KCNQ5: variants seen among roughly 807,000 people sequenced by gnomAD.
KCNQ5 encodes the protein potassium voltage-gated channel subfamily KQT member 5.
KCNQ5 carries 30 observed loss-of-function variants against 98.2 expected under a neutral mutation model. That is an observed-to-expected ratio of 0.31 (90% CI 0.23 to 0.41). The LOEUF (loss-of-function observed/expected upper bound fraction) is 0.41. Among genes scored for constraint, KCNQ5 ranks in the 10% least tolerant of loss-of-function variants. KCNQ5 has a pLI of 1.00. For missense variants in KCNQ5, 835 were observed against 1,182.5 expected (o/e 0.71, Z 4.31); for synonymous variants, 458 against 449.4 (o/e 1.02, Z -0.24).
chr6:72,922,067 C>T (rs1222436519), intron 1 of KCNQ5, among the ~76,000 whole-genome samples: 1 of 152,176 alleles, frequency 6.6e-6, no homozygotes, highest in East Asian at 1.9e-4. Context: ...TAGCAATTCA[C>T]TCAAACGATA....
At chr6:72,731,679 C>G (rs2154475784) in intron 1 of KCNQ5, among the ~76,000 whole-genome samples, 1 of 152,288 alleles carries the variant, frequency 6.6e-6, no homozygotes, top group South Asian at 2.1e-4. Context: ...GAAGCCGGTT[C>G]TCTTCTAATA....
Position 72,876,967 on chromosome 6 carries a change from G to A in KCNQ5, c.399-126941G>A, listed in dbSNP as rs568927551. Among the ~76,000 whole-genome samples, 3 of 152,326 alleles carry A rather than the reference G, an allele frequency of 2.0e-5. No individual in the cohort carries two copies. In the South Asian group the frequency reaches 6.2e-4, roughly 32 times the overall value. On this transcript the variant is annotated intron_variant, in intron 1 of 13. Transcript: ENST00000370398. ...CTTCCTCACACTACCATCTGCTGCGGTGTCAAGTAGTCTTTTGCAGAGAAA... is the reference window on the plus strand; with the variant it reads ...CTTCCTCACACTACCATCTGCTGCGATGTCAAGTAGTCTTTTGCAGAGAAA...
At chr6:72,812,272 T>C (rs1775281589) in intron 1 of KCNQ5, among the ~76,000 whole-genome samples, 1 of 152,158 alleles carries the variant, frequency 6.6e-6, no homozygotes, top group Non-Finnish European at 1.5e-5. Context: ...TAAGAATGCC[T>C]GACCTCCTTG....
intron 1 of KCNQ5, among the ~76,000 whole-genome samples, chr6:72,800,912 C>T (rs964323963): frequency 2.0e-5 from 3 of 151,994 alleles, no homozygotes; most frequent in African/African-American, 7.3e-5. Flanking sequence ...GCAGGTTGTT[C>T]AGTTTCCATG....
intron 3 of KCNQ5, among the ~76,000 whole-genome samples, chr6:73,063,995 A>AT (rs1391973645): frequency 6.6e-6 from 1 of 152,156 alleles, no homozygotes; most frequent in Non-Finnish European, 1.5e-5. Context: ...GCATTGAAAA[A>AT]TATTGAGAGC....
At chr6:72,659,844 T>C (rs976728684) in intron 1 of KCNQ5, among the ~76,000 whole-genome samples, 2 of 152,176 alleles carry the variant, frequency 1.3e-5, no homozygotes, top group Non-Finnish European at 2.9e-5. Flanking sequence ...AAAGCAAAAT[T>C]TTGAATTATC....
intron 5 of KCNQ5, among the ~76,000 whole-genome samples, chr6:73,087,035 G>A (rs902437897): frequency 2.6e-5 from 4 of 152,232 alleles, no homozygotes; most frequent in African/African-American, 9.6e-5. Flanking sequence ...TCTTAGGTAG[G>A]TGGAGATGGC....
chr6:73,130,821 G>A lies in KCNQ5; in HGVS notation c.1248-2600G>A, dbSNP rs1776203983. Among the ~76,000 whole-genome samples the A allele has an allele frequency of 2.0e-5, 3 of 152,118 alleles. No homozygotes were observed. In the South Asian group the frequency reaches 6.2e-4, roughly 31 times the overall value. On this transcript the variant is annotated intron_variant, in intron 9 of 13. Coordinates refer to ENST00000370398, the MANE Select transcript of KCNQ5 (RefSeq NM_019842.4). The stretch of plus-strand genomic sequence containing the variant: ...TCTTTGCCTTGGAAAAGAAAATTTT[G>A]CCTGGTTAAAAAGTTCTTGATTAGA...
At chr6:72,944,806 C>A (rs764585526) in intron 1 of KCNQ5, among the ~76,000 whole-genome samples, 5 of 152,174 alleles carry the variant, frequency 3.3e-5, no homozygotes, top group Non-Finnish European at 7.3e-5. Flanking sequence ...AGAACTGTAT[C>A]CATAAATAAA....
intron 3 of KCNQ5, among the ~76,000 whole-genome samples, chr6:73,057,254 C>T (rs1266720275): frequency 1.4e-5 from 2 of 145,768 alleles, no homozygotes. Flanking sequence ...CACATGTTCT[C>T]ACTCATAGGT....
chr6:72,941,317 CTTCT>C (rs906358120), intron 1 of KCNQ5, among the ~76,000 whole-genome samples: 4 of 67,494 alleles, frequency 5.9e-5, no homozygotes, highest in Admixed American at 2.6e-4. Context: ...TCCTTCCTTC[CTTCT>C]TTCCTTCCTT....
At chr6:73,021,283 A>G (rs941692601) in intron 2 of KCNQ5, among the ~76,000 whole-genome samples, 1 of 152,200 alleles carries the variant, frequency 6.6e-6, no homozygotes, top group Non-Finnish European at 1.5e-5. Flanking sequence ...TGAAAACTAT[A>G]TAAGAATAGG....
intron 5 of KCNQ5, among the ~76,000 whole-genome samples, chr6:73,089,565 A>G (rs1460073392): frequency 6.6e-6 from 1 of 152,030 alleles, no homozygotes; most frequent in Non-Finnish European, 1.5e-5. Flanking sequence ...CCTCCTTCCC[A>G]TCCTTTCACC....
intron 2 of KCNQ5, among the ~76,000 whole-genome samples, chr6:73,020,607 G>A (rs1316426429): frequency 6.6e-6 from 1 of 152,012 alleles, no homozygotes; most frequent in Non-Finnish European, 1.5e-5. Context: ...CCCCTTTCCC[G>A]TCCTTGGAGG....
At chr6:73,192,156 G>C (rs1765612069) in intron 12 of KCNQ5, among the ~76,000 whole-genome samples, 2 of 152,080 alleles carry the variant, frequency 1.3e-5, no homozygotes, top group Admixed American at 1.3e-4. Context: ...AAAGACCATG[G>C]CTTTCTTATC....
rs757132191 is a variant in KCNQ5 at position 72,996,110 on chromosome 6, T to G, written c.399-7798T>G. Among the ~76,000 whole-genome samples, 51 of 152,334 alleles carry G rather than the reference T, an allele frequency of 3.3e-4. 1 individual carries two copies. Among genetic ancestry groups the G allele is most frequent in the Middle Eastern group, 3.4e-3 (1 of 294 alleles). On this transcript the variant is annotated intron_variant, in intron 1 of 13. Coordinates refer to ENST00000370398, the MANE Select transcript of KCNQ5 (RefSeq NM_019842.4). The stretch of plus-strand genomic sequence containing the variant: ...CTATGCCTGAGTTCCCAGTTCCTGG[T>G]ACAATGTCTGTAAATATTTGTGATT...
chr6:72,710,001 A>G (rs1015479279), intron 1 of KCNQ5, among the ~76,000 whole-genome samples: 10 of 152,176 alleles, frequency 6.6e-5, no homozygotes, highest in African/African-American at 2.4e-4. Flanking sequence ...AAGGGCACAG[A>G]AAATTTGAGG....
intron 1 of KCNQ5, among the ~76,000 whole-genome samples, chr6:72,922,012 G>C (rs1017125972): frequency 6.6e-6 from 1 of 152,200 alleles, no homozygotes; most frequent in Non-Finnish European, 1.5e-5. Flanking sequence ...GGAGAGAACA[G>C]AGCCAAGAAA....
At chr6:72,632,118 G>T (rs1469947515) in intron 1 of KCNQ5, among the ~76,000 whole-genome samples, 2 of 148,764 alleles carry the variant, frequency 1.3e-5, no homozygotes, top group Non-Finnish European at 3.0e-5. Context: ...TAGAGTTTTA[G>T]ATTTTTTCTT....
Sources: allele counts gnomAD v4.1 joint callset (sites outside exome capture counted in the v4.1 genomes callset), GRCh38; gene constraint gnomAD v4.1.1; transcripts MANE v1.5; gene names NCBI Gene and HGNC (gene_info 2026-07-23, HGNC 2026-07-21).